Variants in UGT2A3 observed in about 807,000 individuals in gnomAD.
The protein encoded by UGT2A3 is UDP-glucuronosyltransferase 2A3.
A neutral mutation model predicts 44.1 loss-of-function variants in UGT2A3; 55 were observed. The ratio of observed to expected loss-of-function variants is 1.25; its 90% confidence interval spans 1.00 to 1.56. UGT2A3 has a LOEUF of 1.56. UGT2A3 is among the 40% of genes most tolerant of loss of function. The pLI is 0.00. For synonymous variants in UGT2A3, 243 were observed against 215.1 expected, an observed-to-expected ratio of 1.13 and a Z score of -1.13; for missense variants, 733 against 621.6, an observed-to-expected ratio of 1.18 and a Z score of -1.91.
chr4:68,950,654 A>G (rs551260693), intron 1 of UGT2A3, among the ~76,000 whole-genome samples: 56 of 151,876 alleles, frequency 3.7e-4, no homozygotes, highest in Non-Finnish European at 5.5e-4. Context: ...ATGACTCTTG[A>G]AAAATTAATT....
At chr4:68,944,784 A>G (rs1411016502) in intron 2 of UGT2A3, among the ~76,000 whole-genome samples, 5 of 151,822 alleles carry the variant, frequency 3.3e-5, no homozygotes, top group Non-Finnish European at 7.4e-5. Context: ...ATGACTTCTA[A>G]GCACTTATTT....
At position 68,930,607 on chromosome 4, in the gene UGT2A3, A is replaced by G; in HGVS notation, c.1243T>C (p.Phe415Leu). Residue 415 changes from phenylalanine (F) to leucine (L), a missense_variant, in exon 5 of 6, where the codon TTC (phenylalanine) becomes CTC (leucine). Phe to Leu is a conservative substitution (Grantham distance 22). Transcript: ENST00000251566. ...KAKGAAVEIN[F>L]KTMTSEDLLR... is the part of the protein sequence containing the mutation. The stretch of plus-strand genomic sequence containing the variant: ...AAATCTTCGCTTGTCATAGTTTTGA[A>G]GTTTATTTCTACAGCTGCTCCTTTG... The G allele has an allele frequency of 3.7e-6, 6 of 1,613,436 alleles. No individual in the cohort carries two copies. The South Asian group carries it at 4.4e-5, about 12-fold the overall frequency.
At chr4:68,940,081 C>G (rs374054156) in intron 2 of UGT2A3, among the ~76,000 whole-genome samples, 1 of 152,042 alleles carries the variant, frequency 6.6e-6, no homozygotes, top group Admixed American at 6.6e-5. Flanking sequence ...GAAATAGGAA[C>G]GTTTTTACAC....
At chr4:68,949,596 G>A (rs12642313) in intron 1 of UGT2A3, among the ~76,000 whole-genome samples, 3,235 of 151,926 alleles carry the variant, frequency 0.021, 119 homozygotes, top group East Asian at 0.15. Context: ...GAAATATTAC[G>A]CCAAATTGAT....
chr4:68,951,236 T>A lies in UGT2A3; in HGVS notation c.525A>T (p.Gly175=). 6.2e-7 allele frequency: 1 copy of A among 1,611,636 alleles called. No homozygotes were observed. Among genetic ancestry groups the A allele is most frequent in the Non-Finnish European group, 8.5e-7 (1 of 1,178,878 alleles). The change falls in exon 1 of 6, where the codon GGA becomes GGT. Residue 175 remains glycine (G), a synonymous_variant. Coordinates refer to ENST00000251566, the MANE Select transcript of UGT2A3 (RefSeq NM_024743.4). ...PFVLTLRISV[G]GNMERSCGKL... Reference sequence around the variant, plus strand: ...TCCCACAGCTTCGCTCCATATTGCCTCCTACAGAAATTCTAAGTGTGAGCA... The same window carrying A: ...TCCCACAGCTTCGCTCCATATTGCCACCTACAGAAATTCTAAGTGTGAGCA...
chr4:68,940,064 A>T (rs1336479245), intron 2 of UGT2A3, among the ~76,000 whole-genome samples: 1 of 152,134 alleles, frequency 6.6e-6, no homozygotes, highest in Non-Finnish European at 1.5e-5. Context: ...ACTGGAGAGG[A>T]TGTGGGGAAA....
intron 2 of UGT2A3, among the ~76,000 whole-genome samples, chr4:68,944,780 T>C (rs183307777): frequency 1.3e-5 from 2 of 151,924 alleles, no homozygotes; most frequent in East Asian, 3.9e-4. Context: ...CAAGATGACT[T>C]CTAAGCACTT....
At chr4:68,947,558 C>T (rs1214485059) in intron 1 of UGT2A3, among the ~76,000 whole-genome samples, 1 of 151,748 alleles carries the variant, frequency 6.6e-6, no homozygotes, top group Non-Finnish European at 1.5e-5. Flanking sequence ...ATGTTGACTT[C>T]CTCTCATGAA....
chr4:68,941,141 T>C (rs1448418774), intron 2 of UGT2A3, among the ~76,000 whole-genome samples: 1 of 151,754 alleles, frequency 6.6e-6, no homozygotes, highest in African/African-American at 2.4e-5. Context: ...TCCTCTCTTG[T>C]CATGAGACCT....
At chr4:68,938,560 A>G (rs1252678497) in intron 2 of UGT2A3, among the ~76,000 whole-genome samples, 1 of 152,160 alleles carries the variant, frequency 6.6e-6, no homozygotes, top group Admixed American at 6.5e-5. Flanking sequence ...TTTCAAAATA[A>G]TAAGAGCTAT....
intron 2 of UGT2A3, among the ~76,000 whole-genome samples, chr4:68,941,637 C>T (rs1117530): frequency 0.85 from 129,453 of 151,842 alleles, 57,708 homozygotes; most frequent in Non-Finnish European, 0.99. Context: ...AGTAGATAAA[C>T]GGGTTATATC....
chr4:68,941,089 T>G (rs1025139339), intron 2 of UGT2A3, among the ~76,000 whole-genome samples: 1 of 151,658 alleles, frequency 6.6e-6, no homozygotes, highest in Non-Finnish European at 1.5e-5. Flanking sequence ...AGCTAGTTGT[T>G]TTACAAAACC....
chr4:68,930,135 T>G (rs779791192), intron 5 of UGT2A3, 43 bp from the exon 6 acceptor site: 5 of 1,560,322 alleles, frequency 3.2e-6, no homozygotes, highest in Non-Finnish European at 4.3e-6. Context: ...AGTTGTAGTT[T>G]TGTTTTCATA....
At position 68,936,830 on chromosome 4, in the gene UGT2A3, A is replaced by T. The variant is rs1717969265; in HGVS notation, c.865-4071T>A. ...TTCAGGGGACCCATCTCACATACAG[A>T]GACACACATAGACACAAAATAAAGT... is the stretch of plus-strand genomic sequence containing the variant. On this transcript the variant is annotated intron_variant, in intron 2 of 5. Transcript: ENST00000251566. Among the ~76,000 whole-genome samples the T allele has an allele frequency of 2.0e-5, 3 of 150,192 alleles. No homozygotes were observed. In the South Asian group the frequency reaches 6.4e-4, roughly 32 times the overall value.
intron 1 of UGT2A3, among the ~76,000 whole-genome samples, chr4:68,950,617 A>G (rs1718547966): frequency 6.6e-6 from 1 of 151,932 alleles, no homozygotes; most frequent in African/African-American, 2.4e-5. Flanking sequence ...CTAAGAAATT[A>G]AAGAATTCTA....
At chr4:68,936,873 A>G (rs10903223) in intron 2 of UGT2A3, among the ~76,000 whole-genome samples, 90,203 of 127,350 alleles carry the variant, frequency 0.71, 34,160 homozygotes, top group Non-Finnish European at 0.86. Context: ...GAAGATCTAC[A>G]AAGTAAATGG....
chr4:68,936,888 C>CAAAAA (rs56737078), intron 2 of UGT2A3, among the ~76,000 whole-genome samples: 3,386 of 46,216 alleles, frequency 0.073, 497 homozygotes, highest in Admixed American at 0.14. Flanking sequence ...AAATGGAAAG[C>CAAAAA]AAAAAAAAAA....
In UGT2A3 at chr4:68,942,504, GATATATATATATAT is replaced by G. The variant is rs34118122; in HGVS notation, c.864+2788_864+2801del. ...TATAGCTCAATAGCATTCCACTGGA[GATATATATATATAT>G]ATATATATATATATATATATACATT... On this transcript the variant is annotated intron_variant, in intron 2 of 5. Transcript: ENST00000251566. 6.6e-4 allele frequency among the ~76,000 whole-genome samples: 87 copies of G among 131,018 alleles called. 1 individual carries two copies. The highest frequency in any genetic ancestry group is 2.5e-3 in the African/African-American group (83 of 33,462). The allele number at this position is 131,018 out of a possible 152,430, so 86.0% of individuals were successfully genotyped here.
chr4:68,942,397 T>C (rs1718223496), intron 2 of UGT2A3, among the ~76,000 whole-genome samples: 1 of 149,386 alleles, frequency 6.7e-6, no homozygotes, highest in Non-Finnish European at 1.5e-5. Context: ...TATGTATAGA[T>C]ATATATTTCT....
Sources: allele counts gnomAD v4.1 joint callset (sites outside exome capture counted in the v4.1 genomes callset), GRCh38; gene constraint gnomAD v4.1.1; transcripts MANE v1.5; gene names NCBI Gene and HGNC (gene_info 2026-07-23, HGNC 2026-07-21).